The following SEMA6A variants were observed in gnomAD, a reference collection of about 807,000 sequenced individuals.
SEMA6A encodes the protein semaphorin-6A.
SEMA6A carries 25 observed loss-of-function variants against 96.8 expected under a neutral mutation model. The observed-to-expected ratio is 0.26, with a 90% CI of 0.19 to 0.36. The LOEUF (loss-of-function observed/expected upper bound fraction) is 0.36. Ranked by LOEUF, SEMA6A falls within the 10% of genes least tolerant of loss-of-function variation. The pLI is 1.00. For missense variants in SEMA6A, 1,363 were observed against 1,323.1 expected (o/e 1.03, Z -0.47); for synonymous variants, 612 against 518.0 (o/e 1.18, Z -2.46).
chr5:116,506,887 A>T (rs116575605), intron 1 of SEMA6A, among the ~76,000 whole-genome samples: 3 of 152,306 alleles, frequency 2.0e-5, no homozygotes, highest in Non-Finnish European at 2.9e-5. Context: ...ATGACAAACG[A>T]GTCTCCATCC....
In SEMA6A at chr5:116,505,078, G is replaced by C. The variant is rs1048426442; in HGVS notation, c.-38-96C>G. ...AAAGATAAATTCGAGAGAAAAAAAG[G>C]CTTCTGCTTTACATCTTCTACATGG... On this transcript the variant is annotated intron_variant, in intron 1 of 18. Coordinates refer to ENST00000343348, the MANE Select transcript of SEMA6A (RefSeq NM_020796.5). The C allele has an allele frequency of 2.1e-5, 13 of 622,604 alleles. 1 individual carries two copies. Among genetic ancestry groups the C allele is most frequent in the Middle Eastern group, 6.3e-4 (2 of 3,194 alleles). 38.6% of individuals were successfully genotyped at this position (622,604 alleles called of 1,614,324 possible).
chr5:116,491,645 A>G (rs1561493487), intron 7 of SEMA6A, 95 bp downstream of exon 7: 2 of 897,584 alleles, frequency 2.2e-6, no homozygotes, highest in East Asian at 2.4e-5. Flanking sequence ...GAATCAAAGC[A>G]CAACTGTGAC....
At chr5:116,509,555 G>T (rs7701234) in intron 1 of SEMA6A, among the ~76,000 whole-genome samples, 36,877 of 151,836 alleles carry the variant, frequency 0.24, 7,593 homozygotes, top group African/African-American at 0.56. Flanking sequence ...GCTCTGTGAT[G>T]GTACTGTTCT....
intron 18 of SEMA6A, among the ~76,000 whole-genome samples, chr5:116,456,197 GTGCCAC>G (rs1755002380): frequency 6.6e-6 from 1 of 152,164 alleles, no homozygotes; most frequent in Non-Finnish European, 1.5e-5. Flanking sequence ...GTCTGAATCA[GTGCCAC>G]TCAGCATTAA....
intron 1 of SEMA6A, among the ~76,000 whole-genome samples, chr5:116,544,164 CT>C (rs1218525654): frequency 6.6e-6 from 1 of 152,158 alleles, no homozygotes; most frequent in African/African-American, 2.4e-5. Context: ...GAGACATTTC[CT>C]TTCTGATCCA....
At chr5:116,563,102 C>G (rs1390257978) in intron 1 of SEMA6A, among the ~76,000 whole-genome samples, 1 of 152,164 alleles carries the variant, frequency 6.6e-6, no homozygotes, top group Non-Finnish European at 1.5e-5. Flanking sequence ...ACAATATTCC[C>G]TAGTTGCTAT....
chr5:116,522,950 G>A (rs1193484013), intron 1 of SEMA6A, among the ~76,000 whole-genome samples: 49 of 152,166 alleles, frequency 3.2e-4, no homozygotes, highest in Non-Finnish European at 1.5e-4. Context: ...TGCTCCCAGA[G>A]AAGACAGGAG....
chr5:116,505,085 C>G (rs1758079792), intron 1 of SEMA6A, 103 bp from the exon 2 acceptor site: 3 of 598,290 alleles, frequency 5.0e-6, no homozygotes, highest in East Asian at 5.6e-5. Flanking sequence ...AAGGCTTCTG[C>G]TTTACATCTT....
intron 1 of SEMA6A, among the ~76,000 whole-genome samples, chr5:116,521,204 G>A (rs1758932420): frequency 6.6e-6 from 1 of 152,228 alleles, no homozygotes; most frequent in South Asian, 2.1e-4. Context: ...GCCCAGAGGT[G>A]TGGATTGTGG....
chr5:116,567,833 T>C (rs1761074823), intron 1 of SEMA6A, among the ~76,000 whole-genome samples: 1 of 152,228 alleles, frequency 6.6e-6, no homozygotes, highest in Non-Finnish European at 1.5e-5. Context: ...CACCCTGACA[T>C]ATTAATCGTT....
In SEMA6A at chr5:116,448,356, G is replaced by A. The variant is rs888375350; in HGVS notation, c.1895-545C>T. On this transcript the variant is annotated intron_variant, in intron 18 of 18. Coordinates refer to ENST00000343348, the MANE Select transcript of SEMA6A (RefSeq NM_020796.5). ...CGAGACTCCGTTTCAAAAAAAGAAA[G>A]AAAGAAAAGTGCTGTTCACTCTTTC... 2.0e-5 allele frequency among the ~76,000 whole-genome samples: 3 copies of A among 151,926 alleles called. No individual in the cohort carries two copies. The East Asian group carries it at 5.8e-4, about 30-fold the overall frequency.
chr5:116,562,925 G>T, intron 1 of SEMA6A: 1 of 587,938 alleles, frequency 1.7e-6, no homozygotes, highest in East Asian at 3.8e-5. Context: ...GCCCCCTCGG[G>T]TATGAAGATG....
intron 1 of SEMA6A, among the ~76,000 whole-genome samples, chr5:116,555,253 A>C (rs941004916): frequency 6.6e-6 from 1 of 152,226 alleles, no homozygotes; most frequent in African/African-American, 2.4e-5. Context: ...TTGAGAGCTA[A>C]TGATCAGCCC....
chr5:116,566,473 C>T (rs569612152), intron 1 of SEMA6A, among the ~76,000 whole-genome samples: 3 of 151,918 alleles, frequency 2.0e-5, no homozygotes, highest in South Asian at 2.1e-4. Context: ...TCTGAAACTT[C>T]GGTCCTTGCA....
intron 18 of SEMA6A, among the ~76,000 whole-genome samples, chr5:116,454,562 G>A (rs1198816107): frequency 1.3e-5 from 2 of 152,038 alleles, no homozygotes; most frequent in Non-Finnish European, 2.9e-5. Flanking sequence ...AAACAAACAA[G>A]GGAAAAACCC....
chr5:116,537,522 G>C (rs1447232330), intron 1 of SEMA6A, among the ~76,000 whole-genome samples: 1 of 152,036 alleles, frequency 6.6e-6, no homozygotes, highest in Non-Finnish European at 1.5e-5. Context: ...TCAAGTCCAG[G>C]GTTTCCAGTT....
chr5:116,510,017 G>T (rs1758334565), intron 1 of SEMA6A, among the ~76,000 whole-genome samples: 1 of 152,184 alleles, frequency 6.6e-6, no homozygotes, highest in African/African-American at 2.4e-5. Flanking sequence ...TCAATGTGTG[G>T]TACTGTTTGT....
intron 15 of SEMA6A, 141 bp from the exon 16 acceptor site, chr5:116,475,744 T>C: frequency 1.8e-6 from 1 of 558,932 alleles, no homozygotes; most frequent in Non-Finnish European, 3.2e-6. Flanking sequence ...ATAACAGCTT[T>C]AAAATTTATC....
chr5:116,554,108 C>T (rs1760518375), intron 1 of SEMA6A, among the ~76,000 whole-genome samples: 1 of 152,064 alleles, frequency 6.6e-6, no homozygotes, highest in African/African-American at 2.4e-5. Context: ...TAAACAGTAA[C>T]ATCAGTAAAA....
Sources: gnomAD v4.1 joint callset for allele counts (sites outside exome capture counted in the v4.1 genomes callset) on GRCh38, gnomAD v4.1.1 for gene constraint, MANE v1.5 for transcripts, NCBI Gene and HGNC (gene_info 2026-07-23, HGNC 2026-07-21) for gene names.